Variants in SV2B observed in about 807,000 individuals in gnomAD.
SV2B encodes the protein synaptic vesicle glycoprotein 2B.
SV2B carries 41 observed loss-of-function variants against 73.9 expected under a neutral mutation model. The observed-to-expected ratio is 0.56, with a 90% CI of 0.43 to 0.72. The LOEUF is 0.72. Among genes scored for constraint, SV2B ranks in the 30% least tolerant of loss-of-function variants. The probability of loss-of-function intolerance (pLI) is 0.00; values close to 1 mark genes in which losing one functional copy is unlikely to be tolerated. For missense variants in SV2B, 764 were observed against 857.8 expected, an observed-to-expected ratio of 0.89 and a Z score of 1.37; for synonymous variants, 314 against 314.2, an observed-to-expected ratio of 1.00 and a Z score of 0.01.
Position 91,106,319 on chromosome 15 carries a change from T to G in SV2B, c.-392+5956T>G, listed in dbSNP as rs950336631. Among the ~76,000 whole-genome samples, 8 of 152,188 alleles carry G rather than the reference T, an allele frequency of 5.3e-5. No homozygotes were observed. Among genetic ancestry groups the G allele is most frequent in the Admixed American group, 6.5e-5 (1 of 15,286 alleles). On this transcript the variant is annotated intron_variant, in intron 1 of 12. Coordinates refer to ENST00000394232, the MANE Select transcript of SV2B (RefSeq NM_001323032.3). This position sits in a 1 kb window ranked among gnomAD's most constrained non-coding sequence, Gnocchi z 4.4. ...TTCAGGAAGGAGACATAGGTTTGAG[T>G]ATCATTAGCATGTTATTTATTTTTC...
At chr15:91,147,177 T>C (rs981084658) in intron 1 of SV2B, among the ~76,000 whole-genome samples, 2 of 152,248 alleles carry the variant, frequency 1.3e-5, no homozygotes, top group African/African-American at 4.8e-5. Context: ...CACATGTCTG[T>C]GTCCCTAAAG....
rs2043711176 is a variant in SV2B, at chr15:91,161,353, C to T, written c.-392+60990C>T. Among the ~76,000 whole-genome samples the T allele has an allele frequency of 2.0e-5, 3 of 151,854 alleles. No homozygotes were observed. The South Asian group carries it at 6.2e-4, about 32-fold the overall frequency. On this transcript the variant is annotated intron_variant, in intron 1 of 12. Coordinates refer to ENST00000394232, the MANE Select transcript of SV2B (RefSeq NM_001323032.3). ...ATGTTGAATAAAAAGGAAAAGTATA[C>T]AATAAAATATTAGGGTGGCATATTG...
chr15:91,245,389 T>C lies in SV2B; in HGVS notation c.452-6430T>C, dbSNP rs535761793. On this transcript the variant is annotated intron_variant, in intron 2 of 12. Coordinates refer to ENST00000394232, the MANE Select transcript of SV2B (RefSeq NM_001323032.3). The surrounding 1 kb of genome is among the most constrained non-coding windows in gnomAD (Gnocchi z 4.2). ...CTATGAAGCTTTCGAGACAGAAAGA[T>C]TTCTATCGTGTAAATACAGTATGTA... is the stretch of plus-strand genomic sequence containing the variant. Among the ~76,000 whole-genome samples, 54 of 152,346 alleles carry C rather than the reference T, an allele frequency of 3.5e-4. No homozygotes were observed. The highest frequency in any genetic ancestry group is 1.3e-3 in the African/African-American group (52 of 41,576).
At position 91,283,506 on chromosome 15, in the gene SV2B, G is replaced by T. The variant is rs1271044576; in HGVS notation, c.1508-515G>T. Among the ~76,000 whole-genome samples the T allele has an allele frequency of 6.6e-6, 1 of 152,164 alleles. No individual in the cohort carries two copies. The highest frequency in any genetic ancestry group is 2.4e-5 in the African/African-American group (1 of 41,452). On this transcript the variant is annotated intron_variant, in intron 10 of 12. Coordinates refer to ENST00000394232, the MANE Select transcript of SV2B (RefSeq NM_001323032.3). The surrounding 1 kb of genome is among the most constrained non-coding windows in gnomAD (Gnocchi z 4.3). ...GCTGGAATGCAGTGGCATGACCATGGCTCAATGTAGCCTTGACCTCCTGGG... is the reference window on the plus strand; with the variant it reads ...GCTGGAATGCAGTGGCATGACCATGTCTCAATGTAGCCTTGACCTCCTGGG...
At chr15:91,251,535 G>A (rs945606090) in intron 2 of SV2B, among the ~76,000 whole-genome samples, 6 of 152,114 alleles carry the variant, frequency 3.9e-5, no homozygotes, top group African/African-American at 1.4e-4. Flanking sequence ...CATTTCCCTT[G>A]TCTGCAGATT....
At chr15:91,274,907 A>G (rs562903307) in intron 9 of SV2B, among the ~76,000 whole-genome samples, 56 of 152,158 alleles carry the variant, frequency 3.7e-4, no homozygotes, top group Non-Finnish European at 6.6e-4. Context: ...AATCCCTGAT[A>G]GTAGTCTTTG....
rs189972682 is a variant in SV2B, at chr15:91,281,388, A to T, written c.1374-340A>T. Among the ~76,000 whole-genome samples, 48 of 152,326 alleles carry T rather than the reference A, an allele frequency of 3.2e-4. No homozygotes were observed. The highest frequency in any genetic ancestry group is 1.4e-3 in the Admixed American group (21 of 15,302). ...CTCCAGGGACCTGCATGTTTTAAAAATGTCTCAGAAAGTGAGGTGTTATTA... is the reference window on the plus strand; with the variant it reads ...CTCCAGGGACCTGCATGTTTTAAAATTGTCTCAGAAAGTGAGGTGTTATTA... On this transcript the variant is annotated intron_variant, in intron 9 of 12. Transcript: ENST00000394232. This position sits in a 1 kb window ranked among gnomAD's most constrained non-coding sequence, Gnocchi z 4.7.
At chr15:91,191,066 T>TC (rs1282425670) in intron 1 of SV2B, among the ~76,000 whole-genome samples, 1 of 116,280 alleles carries the variant, frequency 8.6e-6, no homozygotes, top group Non-Finnish European at 1.6e-5. Context: ...GGTGTTTCTT[T>TC]TTTTTTTTTT....
Position 91,266,593 on chromosome 15 carries a change from C to G in SV2B, c.1020C>G (p.Ile340Met), listed in dbSNP as rs1487071078. The G allele has an allele frequency of 2.5e-6, 4 of 1,613,834 alleles. No homozygotes were observed. The highest frequency in any genetic ancestry group is 3.4e-6 in the Non-Finnish European group (4 of 1,179,878). The change falls in exon 7 of 13, where the codon ATC becomes ATG. Residue 340 changes from isoleucine (I) to methionine (M), a missense_variant. Coordinates refer to ENST00000394232, the MANE Select transcript of SV2B (RefSeq NM_001323032.3). ...TPEKVFTVSN[I>M]KTPKQMDEFI... is the part of the protein sequence containing the mutation. ...TTTTTACTTTTCAGGTTTCCAACATCAAAACTCCCAAGCAAATGGATGAAT... is the reference window on the plus strand; with the variant it reads ...TTTTTACTTTTCAGGTTTCCAACATGAAAACTCCCAAGCAAATGGATGAAT...
At chr15:91,152,496 A>C (rs59134725) in intron 1 of SV2B, among the ~76,000 whole-genome samples, 24,820 of 152,170 alleles carry the variant, frequency 0.16, 3,338 homozygotes, top group African/African-American at 0.37. Context: ...AATTTTTAAG[A>C]AGTGAATTTA....
At chr15:91,262,229 T>C (rs1448094801) in intron 6 of SV2B, among the ~76,000 whole-genome samples, 2 of 152,142 alleles carry the variant, frequency 1.3e-5, no homozygotes, top group Non-Finnish European at 2.9e-5. Flanking sequence ...TATGTGGCTA[T>C]TGTAAGGATT....
chr15:91,172,884 G>C (rs1157966235), intron 1 of SV2B, among the ~76,000 whole-genome samples: 1 of 151,938 alleles, frequency 6.6e-6, no homozygotes, highest in Admixed American at 6.6e-5. Flanking sequence ...TATTGTTCTT[G>C]CCCGCCAAGT....
intron 1 of SV2B, among the ~76,000 whole-genome samples, chr15:91,154,394 G>A (rs1384904852): frequency 6.6e-6 from 1 of 152,050 alleles, no homozygotes; most frequent in East Asian, 1.9e-4. Flanking sequence ...AGGGGTCCAG[G>A]AGATACTAAG....
intron 2 of SV2B, 145 bp downstream of exon 2, chr15:91,226,859 G>A: frequency 9.6e-7 from 1 of 1,038,110 alleles, no homozygotes; most frequent in Non-Finnish European, 1.4e-6. Context: ...GAAATCAATT[G>A]ATTGACTTAA....
At chr15:91,154,251 G>A (rs2043411446) in intron 1 of SV2B, among the ~76,000 whole-genome samples, 2 of 151,550 alleles carry the variant, frequency 1.3e-5, no homozygotes, top group African/African-American at 4.8e-5. Flanking sequence ...TAGGGCCACT[G>A]GTCTCATCTC....
chr15:91,226,188 T>C lies in SV2B; in HGVS notation c.-76T>C. ...TGAACTACATAATGAATGATGGTTA[T>C]TGAAATAGCCCAAACCTCTACCACA... On this transcript the variant is annotated 5_prime_UTR_variant, in exon 2 of 13. Coordinates refer to ENST00000394232, the MANE Select transcript of SV2B (RefSeq NM_001323032.3). 7.1e-7 allele frequency: 1 copy of C among 1,411,664 alleles called. No individual in the cohort carries two copies. The highest frequency in any genetic ancestry group is 9.8e-7 in the Non-Finnish European group (1 of 1,021,368). 87.4% of individuals were successfully genotyped at this position (1,411,664 alleles called of 1,614,324 possible).
At chr15:91,155,708 GA>G (rs1034704958) in intron 1 of SV2B, among the ~76,000 whole-genome samples, 21 of 151,614 alleles carry the variant, frequency 1.4e-4, no homozygotes, top group Admixed American at 1.0e-3. Flanking sequence ...TTTATGAAAA[GA>G]AAAAAAACTG....
chr15:91,138,982 A>T (rs1596465728), intron 1 of SV2B, among the ~76,000 whole-genome samples: 1 of 152,278 alleles, frequency 6.6e-6, no homozygotes, highest in African/African-American at 2.4e-5. Context: ...CTGTTTCAAC[A>T]ATTAAACCAG....
chr15:91,238,491 G>C (rs986935706), intron 2 of SV2B, among the ~76,000 whole-genome samples: 2 of 152,234 alleles, frequency 1.3e-5, no homozygotes, highest in African/African-American at 2.4e-5. Flanking sequence ...ACCCCTGGAA[G>C]ACTTTTCCAG....
Sources: gnomAD v4.1 joint callset for allele counts (sites outside exome capture counted in the v4.1 genomes callset) on GRCh38, gnomAD v4.1.1 for gene constraint, Gnocchi (gnomAD v3.1) non-coding constraint, MANE v1.5 for transcripts, NCBI Gene and HGNC (gene_info 2026-07-23, HGNC 2026-07-21) for gene names.